The following ANKRD31 variants were observed in gnomAD, a reference collection of about 807,000 sequenced individuals.
The protein encoded by ANKRD31 is ankyrin repeat domain-containing protein 31.
ANKRD31 carries 147 observed loss-of-function variants against 186.0 expected under a neutral mutation model. The observed-to-expected ratio is 0.79, with a 90% confidence interval of 0.69 to 0.91. The LOEUF (loss-of-function observed/expected upper bound fraction) is 0.91. ANKRD31 is among the 40% of genes least tolerant of loss of function. The probability of loss-of-function intolerance (pLI) is 0.00; values close to 1 mark genes in which losing one functional copy is unlikely to be tolerated. For missense variants in ANKRD31, 1,986 were observed against 2,148.8 expected (o/e 0.92, Z 1.50); for synonymous variants, 673 against 736.4 (o/e 0.91, Z 1.39).
Position 75,147,115 on chromosome 5 carries a change from G to C in ANKRD31, c.2296C>G (p.Gln766Glu), listed in dbSNP as rs1297515441. Residue 766 changes from glutamine to glutamate, a missense_variant, in exon 14 of 26, where the codon CAG (glutamine) becomes GAG (glutamate). By Grantham distance (29) the Gln-to-Glu change is conservative. Coordinates refer to ENST00000506364, the MANE Select transcript of ANKRD31 (RefSeq NM_001372053.1). ...SRRINRLVTY[Q>E]QHIPETHNDL... ...TTATGAGTTTCTGGAATATGCTGCT[G>C]ATAGGTAACCAATCTGTTTATTCTC... is the stretch of plus-strand genomic sequence containing the variant. The C allele has an allele frequency of 2.0e-6, 3 of 1,536,232 alleles. No individual in the cohort carries two copies. In the African/African-American group the frequency reaches 4.1e-5, roughly 21 times the overall value.
At position 75,093,552 on chromosome 5, in the gene ANKRD31, G is replaced by A. The variant is rs144113355; in HGVS notation, c.5332-2151C>T. The stretch of plus-strand genomic sequence containing the variant: ...AAGCATTAATCTACACATTCAGGAG[G>A]CTCAATGACTCAAGTAGGATAAATG... On this transcript the variant is annotated intron_variant, in intron 22 of 25. Transcript: ENST00000506364. Among the ~76,000 whole-genome samples the A allele has an allele frequency of 3.1e-3, 476 of 152,116 alleles. 2 individuals carry two copies. The highest frequency in any genetic ancestry group is 0.011 in the African/African-American group (452 of 41,518).
At chr5:75,199,728 ACCTTCTCAG>A (rs1755694536) in intron 5 of ANKRD31, 54 bp from the exon 6 acceptor site, 3 of 1,399,592 alleles carry the variant, frequency 2.1e-6, no homozygotes, top group Admixed American at 4.1e-5. Context: ...CTAAAAACAT[ACCTTCTCAG>A]TTGACATTTC....
At chr5:75,208,175 A>G (rs527413236) in intron 4 of ANKRD31, among the ~76,000 whole-genome samples, 157 of 152,292 alleles carry the variant, frequency 1.0e-3, no homozygotes, top group African/African-American at 3.7e-3. Context: ...ACTGCATTCA[A>G]TCTGTTGCCA....
rs1238936667 is a variant in ANKRD31 at position 75,154,289 on chromosome 5, T to G, written c.1764A>C (p.Gly588=). The change falls in exon 12 of 26, where the codon GGA becomes GGC. Residue 588 remains glycine, a synonymous_variant. Coordinates refer to ENST00000506364, the MANE Select transcript of ANKRD31 (RefSeq NM_001372053.1). ...CCTTGGCCTCATCCAAAGCACATTT[T>G]CCATCATCATTTCTAAATAATGGAT... ...GADPLFRNDD[G]KCALDEAKDL... The G allele has an allele frequency of 6.5e-7, 1 of 1,536,148 alleles. No homozygotes were observed. The highest frequency in any genetic ancestry group is 2.4e-5 in the East Asian group (1 of 40,822).
intron 11 of ANKRD31, among the ~76,000 whole-genome samples, chr5:75,158,961 A>T (rs1446313718): frequency 6.6e-6 from 1 of 152,204 alleles, no homozygotes; most frequent in Non-Finnish European, 1.5e-5. Flanking sequence ...AGAGCTGATG[A>T]AAGCCATGTT....
intron 5 of ANKRD31, among the ~76,000 whole-genome samples, chr5:75,204,872 C>T (rs1163007625): frequency 6.6e-6 from 1 of 152,050 alleles, no homozygotes; most frequent in African/African-American, 2.4e-5. Context: ...ATTAACAGGC[C>T]CCCAATTCTT....
At chr5:75,127,755 G>A (rs954765894) in intron 17 of ANKRD31, among the ~76,000 whole-genome samples, 2 of 152,044 alleles carry the variant, frequency 1.3e-5, no homozygotes, top group Admixed American at 6.6e-5. Context: ...AGTCTTCTAG[G>A]CCATGAACAC....
chr5:75,100,938 T>G (rs1338297805), intron 22 of ANKRD31, among the ~76,000 whole-genome samples: 1 of 152,196 alleles, frequency 6.6e-6, no homozygotes, highest in Non-Finnish European at 1.5e-5. Context: ...AGGTTAATAT[T>G]GTTATGTATG....
intron 2 of ANKRD31, among the ~76,000 whole-genome samples, chr5:75,228,906 C>T (rs1478163359): frequency 6.6e-6 from 1 of 152,124 alleles, no homozygotes; most frequent in Admixed American, 6.5e-5. Flanking sequence ...AAATGCATTC[C>T]AAGATGAAAC....
intron 17 of ANKRD31, among the ~76,000 whole-genome samples, chr5:75,136,290 C>T (rs371951400): frequency 6.6e-6 from 1 of 152,142 alleles, no homozygotes; most frequent in East Asian, 1.9e-4. Context: ...TATCCAGACT[C>T]TACAAAGAAC....
intron 5 of ANKRD31, among the ~76,000 whole-genome samples, chr5:75,201,759 G>A (rs529037790): frequency 6.6e-6 from 1 of 152,202 alleles, no homozygotes; most frequent in African/African-American, 2.4e-5. Context: ...CCTCCCTTCT[G>A]GAATTGAGGA....
At chr5:75,181,590 C>T (rs555140413) in intron 10 of ANKRD31, among the ~76,000 whole-genome samples, 224 of 151,888 alleles carry the variant, frequency 1.5e-3, no homozygotes, top group African/African-American at 3.4e-3. Flanking sequence ...TGTAGGGACG[C>T]GGATGAAGCT....
At chr5:75,079,235 A>G (rs1055316761) in intron 25 of ANKRD31, among the ~76,000 whole-genome samples, 63 of 152,318 alleles carry the variant, frequency 4.1e-4, no homozygotes, top group African/African-American at 1.5e-3. Flanking sequence ...ATTTGTCTTC[A>G]TGATTCAGGA....
chr5:75,186,510 TC>T (rs898091200), intron 10 of ANKRD31, among the ~76,000 whole-genome samples: 1 of 152,242 alleles, frequency 6.6e-6, no homozygotes, highest in Non-Finnish European at 1.5e-5. Flanking sequence ...GGCCAACCTT[TC>T]TTTTTCAGTT....
At chr5:75,072,746 A>G (rs1744338414) in intron 25 of ANKRD31, among the ~76,000 whole-genome samples, 1 of 152,222 alleles carries the variant, frequency 6.6e-6, no homozygotes, top group East Asian at 1.9e-4. Context: ...AAGCACGTAG[A>G]GGATCATGAT....
At chr5:75,073,900 A>C (rs537696458) in intron 25 of ANKRD31, among the ~76,000 whole-genome samples, 3 of 152,302 alleles carry the variant, frequency 2.0e-5, no homozygotes, top group African/African-American at 7.2e-5. Context: ...TTTATTACTA[A>C]AGTCAATAGG....
intron 5 of ANKRD31, among the ~76,000 whole-genome samples, chr5:75,202,705 C>G (rs559119298): frequency 1.3e-5 from 2 of 152,350 alleles, no homozygotes; most frequent in African/African-American, 4.8e-5. Flanking sequence ...TATTAGAACA[C>G]AGTCAACTAT....
intron 17 of ANKRD31, among the ~76,000 whole-genome samples, chr5:75,123,412 C>T (rs981739184): frequency 4.6e-5 from 7 of 151,966 alleles, no homozygotes; most frequent in African/African-American, 1.2e-4. Flanking sequence ...ATGCCAACAT[C>T]GCTTTTCACA....
intron 2 of ANKRD31, chr5:75,225,381 T>C (rs1251896844): frequency 6.4e-6 from 1 of 155,294 alleles, no homozygotes; most frequent in Non-Finnish European, 1.4e-5. Context: ...GAGACTCCGA[T>C]GACCGCAGTG....
Sources: gnomAD v4.1 joint callset for allele counts (sites outside exome capture counted in the v4.1 genomes callset) on GRCh38, gnomAD v4.1.1 for gene constraint, MANE v1.5 for transcripts, NCBI Gene and HGNC (gene_info 2026-07-23, HGNC 2026-07-21) for gene names.